The following CMKLR2 variants were observed in gnomAD, a reference collection of about 807,000 sequenced individuals.
CMKLR2 encodes chemerin chemokine-like receptor 2.
Under a neutral mutation model 23.0 loss-of-function variants are expected in CMKLR2, and 18 were observed. The ratio of observed to expected loss-of-function variants is 0.78; its 90% confidence interval spans 0.54 to 1.16. CMKLR2 has a LOEUF of 1.16. Among genes scored for constraint, CMKLR2 ranks in the 50% most tolerant of loss-of-function variants. The pLI, the probability that CMKLR2 is intolerant of heterozygous loss-of-function variation, is 0.00. For missense variants in CMKLR2, 401 were observed against 412.7 expected, an observed-to-expected ratio of 0.97 and a Z score of 0.25; for synonymous variants, 158 against 158.9, an observed-to-expected ratio of 0.99 and a Z score of 0.05.
At chr2:206,180,412 A>G (rs1213524069) in intron 1 of CMKLR2, among the ~76,000 whole-genome samples, 2 of 151,908 alleles carry the variant, frequency 1.3e-5, no homozygotes, top group African/African-American at 4.8e-5. Flanking sequence ...CTGACCCCAC[A>G]CACAGTAAAA....
chr2:206,186,117 CTTT>C (rs11317836), intron 1 of CMKLR2, among the ~76,000 whole-genome samples: 13 of 140,334 alleles, frequency 9.3e-5, no homozygotes, highest in Non-Finnish European at 3.1e-5. Flanking sequence ...GTGGAATGGG[CTTT>C]TTTTTTTTTT....
At chr2:206,205,944 CCGCCT>C (rs1689301187) in intron 1 of CMKLR2, among the ~76,000 whole-genome samples, 2 of 152,006 alleles carry the variant, frequency 1.3e-5, no homozygotes, top group South Asian at 4.2e-4. Context: ...GGTGATCTGC[CCGCCT>C]CGGCCTCCTA....
intron 1 of CMKLR2, among the ~76,000 whole-genome samples, chr2:206,198,999 A>G (rs757087233): frequency 2.4e-4 from 37 of 152,238 alleles, no homozygotes; most frequent in Non-Finnish European, 4.3e-4. Context: ...TCCACTTCCC[A>G]ACTAGTTCTT....
At chr2:206,190,451 A>G (rs1401841713) in intron 1 of CMKLR2, among the ~76,000 whole-genome samples, 1 of 152,306 alleles carries the variant, frequency 6.6e-6, no homozygotes, top group South Asian at 2.1e-4. Flanking sequence ...TGGAAGTAAG[A>G]CAATCATTCA....
At chr2:206,211,308 T>C (rs1309937563) in intron 1 of CMKLR2, among the ~76,000 whole-genome samples, 1 of 152,086 alleles carries the variant, frequency 6.6e-6, no homozygotes, top group Non-Finnish European at 1.5e-5. Flanking sequence ...CTATACCCAA[T>C]TCATTCAGTT....
intron 1 of CMKLR2, among the ~76,000 whole-genome samples, chr2:206,190,205 T>G (rs912999276): frequency 1.3e-5 from 2 of 152,294 alleles, no homozygotes; most frequent in East Asian, 3.9e-4. Context: ...ATGACAATAT[T>G]CTTTGGTGTA....
At chr2:206,197,635 C>G (rs1688961880) in intron 1 of CMKLR2, among the ~76,000 whole-genome samples, 2 of 152,166 alleles carry the variant, frequency 1.3e-5, no homozygotes, top group Admixed American at 6.6e-5. Flanking sequence ...TTATGACCCA[C>G]TATCACATCT....
At chr2:206,200,738 C>T (rs1306325601) in intron 1 of CMKLR2, among the ~76,000 whole-genome samples, 1 of 152,188 alleles carries the variant, frequency 6.6e-6, no homozygotes, top group African/African-American at 2.4e-5. Context: ...GCTGGGATTA[C>T]AGGCATGTGC....
At chr2:206,199,770 A>G (rs1689034564) in intron 1 of CMKLR2, among the ~76,000 whole-genome samples, 1 of 151,652 alleles carries the variant, frequency 6.6e-6, no homozygotes, top group Non-Finnish European at 1.5e-5. Context: ...TAATTTTTGT[A>G]TTTTTAGTAG....
At chr2:206,186,788 CT>C (rs532845990) in intron 1 of CMKLR2, among the ~76,000 whole-genome samples, 2,528 of 129,352 alleles carry the variant, frequency 0.02, 15 homozygotes, top group Middle Eastern at 0.039. Flanking sequence ...ACTCTGCTGC[CT>C]TTTTTTTTTT....
Position 206,185,175 on chromosome 2 carries a change from T to C in CMKLR2, c.-28-7900A>G, listed in dbSNP as rs1688541224. On this transcript the variant is annotated intron_variant, in intron 1 of 1. Coordinates refer to ENST00000621141, the MANE Select transcript of CMKLR2 (RefSeq NM_001389445.1). ...CTAATTTTCATATTTTTAGTACAGA[T>C]GGGGTTTCACCATGTTGGCCAGGCT... 2.0e-5 allele frequency among the ~76,000 whole-genome samples: 3 copies of C among 152,056 alleles called. No homozygotes were observed. The South Asian group carries it at 6.2e-4, about 32-fold the overall frequency.
chr2:206,199,329 G>A (rs914620574), intron 1 of CMKLR2, among the ~76,000 whole-genome samples: 5 of 152,192 alleles, frequency 3.3e-5, no homozygotes, highest in African/African-American at 1.2e-4. Context: ...GAGCCTCGGA[G>A]GTGGAGGTTG....
intron 1 of CMKLR2, among the ~76,000 whole-genome samples, chr2:206,178,509 C>T (rs973958456): frequency 1.3e-5 from 2 of 152,142 alleles, no homozygotes; most frequent in Non-Finnish European, 2.9e-5. Flanking sequence ...TTGATTATGA[C>T]CACTTAATTT....
intron 1 of CMKLR2, among the ~76,000 whole-genome samples, chr2:206,190,342 T>C (rs909024090): frequency 2.0e-5 from 3 of 152,216 alleles, no homozygotes; most frequent in Non-Finnish European, 4.4e-5. Context: ...TCCCAAAGCA[T>C]GTAAAAATGT....
intron 1 of CMKLR2, among the ~76,000 whole-genome samples, chr2:206,210,904 T>C (rs1433698842): frequency 6.6e-6 from 1 of 152,208 alleles, no homozygotes; most frequent in Non-Finnish European, 1.5e-5. Context: ...AGAGAAAGTT[T>C]TGTGAAAAAT....
At chr2:206,195,463 G>A (rs1251640728) in intron 1 of CMKLR2, among the ~76,000 whole-genome samples, 1 of 152,130 alleles carries the variant, frequency 6.6e-6, no homozygotes, top group Non-Finnish European at 1.5e-5. Flanking sequence ...TGCATTGGGT[G>A]GGCACTAAGG....
chr2:206,214,359 A>T (rs13426687), upstream of CMKLR2, among the ~76,000 whole-genome samples: 47,238 of 151,156 alleles, frequency 0.31, 7,550 homozygotes, highest in African/African-American at 0.36. Flanking sequence ...TTTTTATTAG[A>T]GACGGGGTTT....
rs1291127448 is a variant in CMKLR2, at chr2:206,176,860, C to T, written c.388G>A (p.Val130Met). ...NMFASVFFLT[V>M]ISLDHYIHLI... is the part of the protein sequence containing the mutation. ...TGGATATAGTGGTCCAGGCTGATCA[C>T]TGTCAGGAAAAAAACACTGGCAAAC... The change falls in exon 2 of 2, where the codon GTG (valine) becomes ATG (methionine). Residue 130 changes from valine (V) to methionine (M), a missense_variant. Physicochemically the swap from Val to Met is conservative, Grantham distance 21 (BLOSUM62 1). Coordinates refer to ENST00000621141, the MANE Select transcript of CMKLR2 (RefSeq NM_001389445.1). 1.9e-6 allele frequency: 3 copies of T among 1,614,128 alleles called. No homozygotes were observed. In the Admixed American group the frequency reaches 5.0e-5, roughly 27 times the overall value.
At chr2:206,194,779 A>G (rs1688868159) in intron 1 of CMKLR2, among the ~76,000 whole-genome samples, 1 of 89,676 alleles carries the variant, frequency 1.1e-5, no homozygotes, top group African/African-American at 4.5e-5. Flanking sequence ...TTTGAGACGG[A>G]GTCTCGCTCT....
Sources: allele counts gnomAD v4.1 joint callset (sites outside exome capture counted in the v4.1 genomes callset), GRCh38; gene constraint gnomAD v4.1.1; transcripts MANE v1.5; gene names NCBI Gene and HGNC (gene_info 2026-07-23, HGNC 2026-07-21).